SRPK2: variants seen among roughly 807,000 people sequenced by gnomAD.
SRPK2 encodes SFRS protein kinase 2.
Under a neutral mutation model 90.8 loss-of-function variants are expected in SRPK2, and 21 were observed. The ratio of observed to expected loss-of-function variants is 0.23; its 90% CI spans 0.16 to 0.33. The LOEUF (loss-of-function observed/expected upper bound fraction) is 0.33. SRPK2 is among the 10% of genes least tolerant of loss of function. The pLI, the probability that SRPK2 is intolerant of heterozygous loss-of-function variation, is 1.00. For missense variants in SRPK2, 620 were observed against 869.0 expected, an observed-to-expected ratio of 0.71 and a Z score of 3.60; for synonymous variants, 288 against 311.1, an observed-to-expected ratio of 0.93 and a Z score of 0.78.
intron 2 of SRPK2, among the ~76,000 whole-genome samples, chr7:105,238,647 C>T (rs1177026585): frequency 1.3e-5 from 2 of 152,268 alleles, no homozygotes; most frequent in East Asian, 1.9e-4. Context: ...AATAAAATAG[C>T]CAGTCAGTTT....
intron 3 of SRPK2, among the ~76,000 whole-genome samples, chr7:105,187,763 T>G (rs1007906418): frequency 3.9e-5 from 6 of 152,176 alleles, no homozygotes; most frequent in Admixed American, 3.3e-4. Flanking sequence ...ATGGTGAATA[T>G]GCGTGGTGTA....
chr7:105,216,668 AAAGAG>A (rs1210971696), intron 2 of SRPK2, among the ~76,000 whole-genome samples: 18 of 151,510 alleles, frequency 1.2e-4, no homozygotes, highest in Admixed American at 4.6e-4. Flanking sequence ...AAAAAAAAAA[AAAGAG>A]AGAGAGAGAG....
At chr7:105,355,655 A>T (rs1817698590) in intron 2 of SRPK2, among the ~76,000 whole-genome samples, 1 of 152,136 alleles carries the variant, frequency 6.6e-6, no homozygotes, top group Non-Finnish European at 1.5e-5. Context: ...CTCCAAGAAA[A>T]AAAAGTGATA....
chr7:105,303,085 TG>T (rs894086554), intron 2 of SRPK2, among the ~76,000 whole-genome samples: 6 of 147,996 alleles, frequency 4.1e-5, no homozygotes, highest in Admixed American at 4.0e-4. Context: ...AAAAAAAAGG[TG>T]GGGGGGAGAA....
chr7:105,181,596 C>T (rs761849634), intron 3 of SRPK2, among the ~76,000 whole-genome samples: 1 of 152,048 alleles, frequency 6.6e-6, no homozygotes, highest in Non-Finnish European at 1.5e-5. Context: ...CCATTCATTA[C>T]CCTTGGCAAA....
intron 2 of SRPK2, among the ~76,000 whole-genome samples, chr7:105,357,127 C>T (rs954452137): frequency 1.1e-4 from 16 of 151,968 alleles, no homozygotes; most frequent in African/African-American, 3.6e-4. Context: ...AGCTCCGCCT[C>T]CCAGGTTCAT....
chr7:105,195,632 G>A (rs1324392987), intron 3 of SRPK2, among the ~76,000 whole-genome samples: 1 of 152,202 alleles, frequency 6.6e-6, no homozygotes, highest in Non-Finnish European at 1.5e-5. Context: ...GATTTAGTCT[G>A]AGTAGTGCCC....
intron 6 of SRPK2, among the ~76,000 whole-genome samples, chr7:105,162,556 A>G (rs966815581): frequency 3.9e-5 from 6 of 152,366 alleles, no homozygotes; most frequent in Non-Finnish European, 8.8e-5. Context: ...TGCTATATTA[A>G]AACAATATTA....
At chr7:105,148,349 G>C (rs1804977576) in intron 7 of SRPK2, among the ~76,000 whole-genome samples, 1 of 152,178 alleles carries the variant, frequency 6.6e-6, no homozygotes, top group Non-Finnish European at 1.5e-5. Flanking sequence ...CTAAAAGAAA[G>C]TGATGAACCA....
chr7:105,148,106 C>A (rs1202720910), intron 7 of SRPK2, among the ~76,000 whole-genome samples: 1 of 152,168 alleles, frequency 6.6e-6, no homozygotes, highest in East Asian at 1.9e-4. Flanking sequence ...GTGGCTGCAC[C>A]ATTTTACATT....
At chr7:105,237,677 C>T (rs1467053940) in intron 2 of SRPK2, among the ~76,000 whole-genome samples, 3 of 152,212 alleles carry the variant, frequency 2.0e-5, no homozygotes, top group Non-Finnish European at 2.9e-5. Context: ...AATACCTTGA[C>T]AGATAAGCAG....
At chr7:105,164,964 A>G (rs548193710) in intron 6 of SRPK2, among the ~76,000 whole-genome samples, 1 of 152,318 alleles carries the variant, frequency 6.6e-6, no homozygotes, top group South Asian at 2.1e-4. Context: ...AAGTGGTCCG[A>G]TTTTCTTGAA....
chr7:105,312,268 C>T (rs1811789461), intron 2 of SRPK2, among the ~76,000 whole-genome samples: 1 of 151,896 alleles, frequency 6.6e-6, no homozygotes, highest in African/African-American at 2.4e-5. Context: ...AGTGAAACTA[C>T]GTCTCTACTA....
At chr7:105,214,865 G>A (rs1373447518) in intron 2 of SRPK2, among the ~76,000 whole-genome samples, 1 of 152,144 alleles carries the variant, frequency 6.6e-6, no homozygotes, top group African/African-American at 2.4e-5. Flanking sequence ...ATATGGAAAT[G>A]CAAGGTCCCA....
chr7:105,242,042 A>C (rs1413751770), intron 2 of SRPK2, among the ~76,000 whole-genome samples: 4 of 152,212 alleles, frequency 2.6e-5, no homozygotes, highest in Non-Finnish European at 5.9e-5. Context: ...AAAAATTTAA[A>C]TATTCCCATT....
At chr7:105,230,920 A>G (rs1799349209) in intron 2 of SRPK2, among the ~76,000 whole-genome samples, 1 of 152,234 alleles carries the variant, frequency 6.6e-6, no homozygotes, top group Non-Finnish European at 1.5e-5. Context: ...ATATTCTTGA[A>G]TTTATTACAA....
chr7:105,316,977 C>G (rs1434372096), intron 2 of SRPK2, among the ~76,000 whole-genome samples: 10 of 152,194 alleles, frequency 6.6e-5, no homozygotes, highest in Admixed American at 5.9e-4. Context: ...CTCTCCCACT[C>G]CTTTATACCT....
chr7:105,161,382 G>C lies in SRPK2; in HGVS notation c.515-769C>G, dbSNP rs149370206. ...CCAACGTTTATTAAATCTATGAATG[G>C]GGAACCAGCAGATAAAAAAGGGCTA... On this transcript the variant is annotated intron_variant, in intron 6 of 15. Transcript: ENST00000393651. Among the ~76,000 whole-genome samples the C allele has an allele frequency of 3.1e-3, 468 of 152,212 alleles. 14 individuals are homozygous for C. The East Asian group carries it at 0.062, about 20-fold the overall frequency.
At chr7:105,397,483 C>T (rs1822363737) in intron 1 of SRPK2, among the ~76,000 whole-genome samples, 1 of 151,822 alleles carries the variant, frequency 6.6e-6, no homozygotes. Flanking sequence ...GCACACGCCA[C>T]CATGCCCGGG....
Sources: gnomAD v4.1 joint callset for allele counts (sites outside exome capture counted in the v4.1 genomes callset) on GRCh38, gnomAD v4.1.1 for gene constraint, MANE v1.5 for transcripts, NCBI Gene and HGNC (gene_info 2026-07-23, HGNC 2026-07-21) for gene names.